SCHIP1: variants seen among roughly 807,000 people sequenced by gnomAD.
The protein encoded by SCHIP1 is schwannomin interacting protein 1, also known as schwannomin-interacting protein 1.
In SCHIP1, 8 loss-of-function variants were observed where a neutral mutation model predicts 29.7. The ratio of observed to expected loss-of-function variants is 0.27; its 90% CI spans 0.16 to 0.49. SCHIP1 has a LOEUF of 0.49. SCHIP1 is among the 20% of genes least tolerant of loss of function. SCHIP1 has a pLI of 0.99. For missense variants in SCHIP1, 193 were observed against 294.6 expected, an observed-to-expected ratio of 0.66 and a Z score of 2.52; for synonymous variants, 76 against 94.9, an observed-to-expected ratio of 0.80 and a Z score of 1.16.
chr3:159,788,759 T>G, the SCHIP1 span, among the ~76,000 whole-genome samples: 2 of 152,188 alleles, frequency 1.3e-5, no homozygotes, highest in Non-Finnish European at 2.9e-5. Context: ...GTAGGATACA[T>G]GCATTAAACA....
the SCHIP1 span, among the ~76,000 whole-genome samples, chr3:159,626,159 TATCTAG>T: frequency 8.8e-6 from 1 of 114,124 alleles, no homozygotes; most frequent in African/African-American, 6.9e-5. Flanking sequence ...TATATATATA[TATCTAG>T]ATATATCTAT....
chr3:159,508,833 C>G, the SCHIP1 span, among the ~76,000 whole-genome samples: 1 of 152,232 alleles, frequency 6.6e-6, no homozygotes, highest in Non-Finnish European at 1.5e-5. Context: ...GTCTGAGAGA[C>G]AGTTTGTTAT....
chr3:159,593,705 TGAAGAA>T, the SCHIP1 span, among the ~76,000 whole-genome samples: 19 of 151,690 alleles, frequency 1.3e-4, no homozygotes, highest in Middle Eastern at 0.01. Flanking sequence ...AGAAGAGATC[TGAAGAA>T]GAAGAAGAAG....
the SCHIP1 span, among the ~76,000 whole-genome samples, chr3:159,611,900 C>T: frequency 6.6e-6 from 1 of 152,158 alleles, no homozygotes; most frequent in African/African-American, 2.4e-5. Flanking sequence ...TGTCTTTCTC[C>T]TTGACCCCCT....
At chr3:159,851,055 C>A (rs1054293697) in intron 1 of SCHIP1, among the ~76,000 whole-genome samples, 4 of 152,184 alleles carry the variant, frequency 2.6e-5, no homozygotes, top group African/African-American at 9.6e-5. Flanking sequence ...AGGAAGATCA[C>A]CTGAGCCCAG....
the SCHIP1 span, among the ~76,000 whole-genome samples, chr3:159,642,958 C>G: frequency 6.6e-6 from 1 of 151,752 alleles, no homozygotes; most frequent in African/African-American, 2.4e-5. Context: ...AGGGGCTAGT[C>G]CTGCTTTAGT....
chr3:159,763,419 G>A, the SCHIP1 span, among the ~76,000 whole-genome samples: 1 of 152,128 alleles, frequency 6.6e-6, no homozygotes. Context: ...GAGACGGCTT[G>A]AGGCAAGCCA....
the SCHIP1 span, among the ~76,000 whole-genome samples, chr3:159,758,540 T>C: frequency 6.6e-6 from 1 of 152,188 alleles, no homozygotes; most frequent in Non-Finnish European, 1.5e-5. Context: ...AACAAGATTT[T>C]GGTTGAATTT....
At chr3:159,321,703 T>G in the SCHIP1 span, among the ~76,000 whole-genome samples, 1 of 152,270 alleles carries the variant, frequency 6.6e-6, no homozygotes, top group South Asian at 2.1e-4. Flanking sequence ...TTAAAATGAT[T>G]ATTTGTATTG....
chr3:159,473,445 T>G, the SCHIP1 span, among the ~76,000 whole-genome samples: 1 of 151,846 alleles, frequency 6.6e-6, no homozygotes, highest in Non-Finnish European at 1.5e-5. Context: ...TAGAAAAATG[T>G]GAATAAAAGA....
the SCHIP1 span, among the ~76,000 whole-genome samples, chr3:159,548,461 GCT>G: frequency 6.6e-6 from 1 of 151,308 alleles, no homozygotes; most frequent in Non-Finnish European, 1.5e-5. Context: ...GGTCATATCG[GCT>G]CTCTCTCTCA....
chr3:159,649,080 A>AG, the SCHIP1 span, among the ~76,000 whole-genome samples: 1 of 152,152 alleles, frequency 6.6e-6, no homozygotes, highest in South Asian at 2.1e-4. Flanking sequence ...GAGAAGCTAG[A>AG]GATTAGATAT....
chr3:159,322,520 C>G, the SCHIP1 span, among the ~76,000 whole-genome samples: 3 of 152,140 alleles, frequency 2.0e-5, no homozygotes, highest in Admixed American at 6.5e-5. Context: ...CACTCACCAC[C>G]GCAGGGTCGC....
At chr3:159,838,795 G>A (rs1743921201), upstream of SCHIP1, among the ~76,000 whole-genome samples, 2 of 151,516 alleles carry the variant, frequency 1.3e-5, no homozygotes, top group Non-Finnish European at 2.9e-5. Flanking sequence ...TCAGGAGGCT[G>A]AGGCAGGAGA....
At chr3:159,664,807 T>C in the SCHIP1 span, among the ~76,000 whole-genome samples, 13 of 152,240 alleles carry the variant, frequency 8.5e-5, no homozygotes, top group African/African-American at 2.7e-4. Context: ...TGATGGTCAG[T>C]CACTCTGTGT....
chr3:159,631,159 T>C, the SCHIP1 span, among the ~76,000 whole-genome samples: 24 of 151,282 alleles, frequency 1.6e-4, no homozygotes, highest in Non-Finnish European at 2.7e-4. Flanking sequence ...TGGCTATTAC[T>C]AAAACTTAAA....
the SCHIP1 span, among the ~76,000 whole-genome samples, chr3:159,388,233 T>G: frequency 6.6e-6 from 1 of 152,118 alleles, no homozygotes. Context: ...CTTGTAAAAT[T>G]AGAAAATCAA....
chr3:159,309,525 AATCATGCCCATCTGATG>A, the SCHIP1 span, among the ~76,000 whole-genome samples: 1 of 152,140 alleles, frequency 6.6e-6, no homozygotes, highest in East Asian at 1.9e-4. Flanking sequence ...GGGTATGCAG[AATCATGCCCATCTGATG>A]ATAACGATGG....
At chr3:159,477,600 G>A in the SCHIP1 span, among the ~76,000 whole-genome samples, 1 of 152,092 alleles carries the variant, frequency 6.6e-6, no homozygotes, top group Non-Finnish European at 1.5e-5. Context: ...AGAATTGTCT[G>A]TTCAAGTCCT....
Sources: allele counts gnomAD v4.1 joint callset (sites outside exome capture counted in the v4.1 genomes callset), GRCh38; gene constraint gnomAD v4.1.1; transcripts MANE v1.5; gene names NCBI Gene and HGNC (gene_info 2026-07-23, HGNC 2026-07-21).